STX8: variants seen among roughly 807,000 people sequenced by gnomAD.
STX8 encodes the protein syntaxin-8.
A neutral mutation model predicts 37.5 loss-of-function variants in STX8; 23 were observed. The observed-to-expected ratio is 0.61, with a 90% CI of 0.44 to 0.87. STX8 has a LOEUF of 0.87. Ranked by LOEUF, STX8 falls within the 40% of genes least tolerant of loss-of-function variation. STX8 has a pLI of 0.00. For synonymous variants in STX8, 115 were observed against 99.1 expected (o/e 1.16, Z -0.95); for missense variants, 313 against 284.7 (o/e 1.10, Z -0.71).
At chr17:9,285,954 C>A (rs1447843069) in intron 7 of STX8, among the ~76,000 whole-genome samples, 3 of 152,144 alleles carry the variant, frequency 2.0e-5, no homozygotes, top group African/African-American at 7.2e-5. Context: ...CTTCTGGAAT[C>A]CCCATATTAC....
chr17:9,572,748 C>A (rs1008200722), intron 1 of STX8, among the ~76,000 whole-genome samples: 9 of 152,170 alleles, frequency 5.9e-5, no homozygotes, highest in African/African-American at 1.4e-4. Context: ...CTCCTTTCTA[C>A]CCCCCTAATC....
At chr17:9,362,840 A>AAAAAATAAAT (rs1555601151) in intron 7 of STX8, among the ~76,000 whole-genome samples, 15 of 115,528 alleles carry the variant, frequency 1.3e-4, no homozygotes, top group African/African-American at 4.5e-4. Context: ...AAAAAAAAAA[A>AAAAAATAAAT]AAATAAATAA....
intron 7 of STX8, among the ~76,000 whole-genome samples, chr17:9,265,452 G>A (rs371638376): frequency 3.9e-5 from 6 of 152,362 alleles, no homozygotes; most frequent in East Asian, 1.9e-4. Flanking sequence ...GGCAGGTCCC[G>A]GGCAAATGCA....
intron 7 of STX8, among the ~76,000 whole-genome samples, chr17:9,371,151 A>G (rs1911390025): frequency 6.6e-6 from 1 of 152,182 alleles, no homozygotes; most frequent in Admixed American, 6.5e-5. Flanking sequence ...GTCTGTATTC[A>G]TAACTAGAAA....
chr17:9,288,543 T>A (rs918412522), intron 7 of STX8, among the ~76,000 whole-genome samples: 32 of 152,110 alleles, frequency 2.1e-4, no homozygotes, highest in South Asian at 2.1e-4. Flanking sequence ...GCGCCTGTAG[T>A]CCCAGCTACT....
intron 6 of STX8, among the ~76,000 whole-genome samples, chr17:9,474,839 G>A (rs1341193861): frequency 2.6e-4 from 40 of 152,150 alleles, no homozygotes; most frequent in Admixed American, 2.6e-3. Context: ...GGGCGTGGTG[G>A]TGCATGCCAG....
Position 9,414,956 on chromosome 17 carries a change from A to C in STX8, c.542-36303T>G, listed in dbSNP as rs569545728. Among the ~76,000 whole-genome samples, 232 of 151,866 alleles carry C rather than the reference A, an allele frequency of 1.5e-3. 2 individuals carry two copies. Among genetic ancestry groups the C allele is most frequent in the African/African-American group, 4.9e-3 (201 of 41,422 alleles). On this transcript the variant is annotated intron_variant, in intron 6 of 7. Transcript: ENST00000306357. Reference sequence around the variant, plus strand: ...CAGGCACCCGCCACCATGCCCAGCTAATTTTTGTATTTTTAGTAGAGATGG... The same window carrying C: ...CAGGCACCCGCCACCATGCCCAGCTCATTTTTGTATTTTTAGTAGAGATGG...
chr17:9,418,912 CTTTT>C (rs1170091776), intron 6 of STX8, among the ~76,000 whole-genome samples: 4 of 127,802 alleles, frequency 3.1e-5, no homozygotes, highest in Admixed American at 8.2e-5. Context: ...ACCCCCCCCT[CTTTT>C]TTTTTCTTTT....
At chr17:9,558,000 T>C (rs1907047976) in intron 2 of STX8, among the ~76,000 whole-genome samples, 1 of 152,214 alleles carries the variant, frequency 6.6e-6, no homozygotes, top group African/African-American at 2.4e-5. Context: ...GAACAACTGG[T>C]AAAATTTATA....
At chr17:9,414,085 T>G (rs1913081417) in intron 6 of STX8, among the ~76,000 whole-genome samples, 15 of 38,670 alleles carry the variant, frequency 3.9e-4, no homozygotes, top group African/African-American at 1.9e-3. Context: ...CATCTGTCCA[T>G]CCATCCATCC....
intron 4 of STX8, among the ~76,000 whole-genome samples, chr17:9,513,276 T>C (rs1167030916): frequency 2.9e-5 from 4 of 137,338 alleles, no homozygotes; most frequent in African/African-American, 1.1e-4. Context: ...GGTGGGAGGA[T>C]TACTTAAGCC....
intron 7 of STX8, among the ~76,000 whole-genome samples, chr17:9,281,176 T>A (rs1907867306): frequency 6.6e-6 from 1 of 152,138 alleles, no homozygotes; most frequent in African/African-American, 2.4e-5. Flanking sequence ...AGGAAGGCGA[T>A]GCAGGAAGTG....
At chr17:9,440,108 G>A (rs1904586152) in intron 6 of STX8, among the ~76,000 whole-genome samples, 1 of 152,064 alleles carries the variant, frequency 6.6e-6, no homozygotes, top group East Asian at 1.9e-4. Flanking sequence ...ACTGGGAAAA[G>A]GGCAAAAGGA....
At chr17:9,387,450 A>G (rs1259503326) in intron 6 of STX8, among the ~76,000 whole-genome samples, 2 of 152,114 alleles carry the variant, frequency 1.3e-5, no homozygotes, top group Non-Finnish European at 2.9e-5. Context: ...GCCCGCCACC[A>G]CACCCGGCTA....
intron 7 of STX8, among the ~76,000 whole-genome samples, chr17:9,286,612 C>G (rs1448626877): frequency 6.6e-6 from 1 of 150,620 alleles, no homozygotes; most frequent in Non-Finnish European, 1.5e-5. Context: ...CAACTCTAAG[C>G]TGGCTACAGC....
At chr17:9,359,810 T>A (rs11872070) in intron 7 of STX8, among the ~76,000 whole-genome samples, 1 of 152,014 alleles carries the variant, frequency 6.6e-6, no homozygotes, top group East Asian at 1.9e-4. Context: ...GCCTGGACTG[T>A]GATAGGAGTT....
chr17:9,555,872 G>C (rs974721426), intron 3 of STX8, among the ~76,000 whole-genome samples: 1 of 150,888 alleles, frequency 6.6e-6, no homozygotes, highest in Non-Finnish European at 1.5e-5. Context: ...CTCCAGCCTG[G>C]GCAACAGAGC....
intron 7 of STX8, among the ~76,000 whole-genome samples, chr17:9,375,939 C>T (rs1254935431): frequency 1.3e-5 from 2 of 152,150 alleles, no homozygotes; most frequent in African/African-American, 4.8e-5. Flanking sequence ...AGCTCACTCT[C>T]ATGATATCTA....
chr17:9,414,823 T>G (rs1913125451), intron 6 of STX8, among the ~76,000 whole-genome samples: 1 of 139,502 alleles, frequency 7.2e-6, no homozygotes, highest in South Asian at 2.4e-4. Flanking sequence ...GGAGTTTCTC[T>G]CTTGTCATCC....
Sources: allele counts gnomAD v4.1 joint callset (sites outside exome capture counted in the v4.1 genomes callset), GRCh38; gene constraint gnomAD v4.1.1; transcripts MANE v1.5; gene names NCBI Gene and HGNC (gene_info 2026-07-23, HGNC 2026-07-21).